Variants in ADAP1 observed in about 807,000 individuals in gnomAD.
ADAP1 encodes the protein ArfGAP with dual PH domains 1.
A neutral mutation model predicts 54.9 loss-of-function variants in ADAP1; 31 were observed. The observed-to-expected ratio is 0.56, with a 90% CI of 0.42 to 0.76. The LOEUF (loss-of-function observed/expected upper bound fraction) is 0.76, where lower values mean the gene tolerates loss of function less well. Among genes scored for constraint, ADAP1 ranks in the 30% least tolerant of loss-of-function variants. The probability of loss-of-function intolerance (pLI) is 0.00; values close to 1 mark genes in which losing one functional copy is unlikely to be tolerated. For synonymous variants in ADAP1, 313 were observed against 202.6 expected (o/e 1.55, Z -4.63); for missense variants, 535 against 512.4 (o/e 1.04, Z -0.42).
At position 899,510 on chromosome 7, in the gene ADAP1, C is replaced by T. The variant is rs748221515; in HGVS notation, c.796-20G>A. The T allele has an allele frequency of 4.4e-5, 71 of 1,610,554 alleles. No individual in the cohort carries two copies. In the Middle Eastern group the frequency reaches 4.9e-4, roughly 11 times the overall value. On this transcript the variant is annotated intron_variant, in intron 8 of 10. Transcript: ENST00000265846. Reference sequence around the variant, plus strand: ...CGTTTGCTGTGGGTCAGAGAGGGCCCGTGACCGGCAGGTCGCCGAGGCAGG... The same window carrying T: ...CGTTTGCTGTGGGTCAGAGAGGGCCTGTGACCGGCAGGTCGCCGAGGCAGG...
At chr7:943,135 A>AGG (rs1847016782) in intron 1 of ADAP1, among the ~76,000 whole-genome samples, 1 of 44,212 alleles carries the variant, frequency 2.3e-5, no homozygotes, top group African/African-American at 9.4e-5. Context: ...AGGAGGAGGA[A>AGG]GAGAGAGTAG....
At chr7:906,702 TGG>T (rs1491036874) in intron 4 of ADAP1, among the ~76,000 whole-genome samples, 17 of 20,222 alleles carry the variant, frequency 8.4e-4, no homozygotes, top group Admixed American at 8.0e-3. Context: ...GACATGGACA[TGG>T]GGGACGGGAC....
At chr7:907,609 G>A (rs551465928) in intron 4 of ADAP1, among the ~76,000 whole-genome samples, 5 of 152,334 alleles carry the variant, frequency 3.3e-5, no homozygotes, top group East Asian at 3.9e-4. Context: ...CCCTGTCCGT[G>A]GTTCCTATCG....
In ADAP1 at chr7:926,673, G is replaced by T. The variant is rs761993254; in HGVS notation, c.214-29C>A. 6.6e-7 allele frequency: 1 copy of T among 1,519,994 alleles called. No individual in the cohort carries two copies. The highest frequency in any genetic ancestry group is 1.2e-5 in the South Asian group (1 of 81,702). 94.2% of individuals were successfully genotyped at this position (1,519,994 alleles called of 1,614,324 possible). Reference sequence around the variant, plus strand: ...CAAGAGAGGAGGGGCCGGGTCAGAGGCCTGGGGTCCCAGGGGCAGCCTAGG... The same window carrying T: ...CAAGAGAGGAGGGGCCGGGTCAGAGTCCTGGGGTCCCAGGGGCAGCCTAGG... On this transcript the variant is annotated intron_variant, in intron 2 of 10. Transcript: ENST00000265846. This position sits in a 1 kb window ranked among gnomAD's most constrained non-coding sequence, Gnocchi z 4.6.
intron 1 of ADAP1, among the ~76,000 whole-genome samples, chr7:936,129 G>A (rs1275596467): frequency 1.3e-5 from 2 of 152,220 alleles, no homozygotes; most frequent in African/African-American, 4.8e-5. Context: ...ACGTCTCGAT[G>A]TCTGGTTTGC....
In ADAP1 at chr7:946,407, T is replaced by A. The variant is rs533169367; in HGVS notation, c.82+7989A>T. Among the ~76,000 whole-genome samples the A allele has an allele frequency of 2.6e-4, 40 of 152,176 alleles. No individual in the cohort carries two copies. The highest frequency in any genetic ancestry group is 8.9e-4 in the African/African-American group (37 of 41,500). ...ATTCCATTGTGAGGATGGGGCCCTT[T>A]GGCCCTAGGAACAGGCCCTCCCAGG... is the stretch of plus-strand genomic sequence containing the variant. On this transcript the variant is annotated intron_variant, in intron 1 of 10. Coordinates refer to ENST00000265846, the MANE Select transcript of ADAP1 (RefSeq NM_006869.4). This position sits in a 1 kb window ranked among gnomAD's most constrained non-coding sequence, Gnocchi z 4.3.
upstream of ADAP1, chr7:955,265 G>A (rs1278132458): frequency 6.5e-7 from 1 of 1,545,498 alleles, no homozygotes; most frequent in Admixed American, 2.0e-5. Flanking sequence ...GGGCTGACAG[G>A]TAACAAAAAA....
chr7:931,773 GA>G (rs11367737), intron 2 of ADAP1, among the ~76,000 whole-genome samples: 40,410 of 140,414 alleles, frequency 0.29, 5,749 homozygotes, highest in South Asian at 0.45. Flanking sequence ...AAAGTAGGGA[GA>G]AAAAAAAAAA....
At chr7:930,556 C>T (rs996199253) in intron 2 of ADAP1, among the ~76,000 whole-genome samples, 6 of 151,474 alleles carry the variant, frequency 4.0e-5, no homozygotes, top group African/African-American at 1.5e-4. Flanking sequence ...CGGTGGCTCA[C>T]GTCTGTAATC....
chr7:910,244 C>G (rs1001180507), intron 4 of ADAP1, among the ~76,000 whole-genome samples: 1 of 151,894 alleles, frequency 6.6e-6, no homozygotes, highest in African/African-American at 2.4e-5. Context: ...ACAGCCTTCA[C>G]ATAAAGCCCA....
chr7:931,406 C>T (rs1488507543), intron 2 of ADAP1, among the ~76,000 whole-genome samples: 3 of 152,184 alleles, frequency 2.0e-5, no homozygotes, highest in Admixed American at 6.5e-5. Context: ...TTGAAAGGAA[C>T]GAAGCTGTCA....
chr7:899,989 A>G, intron 8 of ADAP1, 113 bp downstream of exon 8: 2 of 1,298,432 alleles, frequency 1.5e-6, no homozygotes, highest in Non-Finnish European at 2.2e-6. Context: ...GTGAGGACCC[A>G]CCAGACACCA....
rs939761666 is a variant in ADAP1 at position 898,636 on chromosome 7, G to T, written c.*285C>A. ...TGTCTGAGCTCGGGAGCCAGACTGG[G>T]CCCTGGAGGAAAGGGGGCCCCGGGT... On this transcript the variant is annotated 3_prime_UTR_variant, in exon 11 of 11. Coordinates refer to ENST00000265846, the MANE Select transcript of ADAP1 (RefSeq NM_006869.4). 40 of 506,888 alleles carry T rather than the reference G, an allele frequency of 7.9e-5. No individual in the cohort carries two copies. Among genetic ancestry groups the T allele is most frequent in the Non-Finnish European group, 1.3e-4 (35 of 277,476 alleles). The allele number at this position is 506,888 out of a possible 1,614,324, so 31.4% of individuals were successfully genotyped here.
At chr7:909,690 C>A (rs1026442045) in intron 4 of ADAP1, among the ~76,000 whole-genome samples, 1 of 152,260 alleles carries the variant, frequency 6.6e-6, no homozygotes, top group Non-Finnish European at 1.5e-5. Context: ...GCCCCTCACA[C>A]GGCAGCGTCC....
chr7:904,075 G>A lies in ADAP1; in HGVS notation c.648+51C>T, dbSNP rs116145502. On this transcript the variant is annotated intron_variant, in intron 6 of 10. Transcript: ENST00000265846. ...CCACCTTCCTGCGCCACCCGGGCCT[G>A]AGGGCCCACCCTCCTGTGCCACCCG... is the stretch of plus-strand genomic sequence containing the variant. The A allele has an allele frequency of 1.7e-3, 2,713 of 1,601,680 alleles. 45 individuals are homozygous for A. In the African/African-American group the frequency reaches 0.032, roughly 19 times the overall value.
At chr7:916,732 G>T (rs1176286277) in intron 4 of ADAP1, among the ~76,000 whole-genome samples, 1 of 152,160 alleles carries the variant, frequency 6.6e-6, no homozygotes, top group Non-Finnish European at 1.5e-5. Context: ...GCCTGCACAG[G>T]CTGGCTGTGT....
chr7:907,962 C>T (rs1845545722), intron 4 of ADAP1, among the ~76,000 whole-genome samples: 1 of 151,896 alleles, frequency 6.6e-6, no homozygotes, highest in African/African-American at 2.4e-5. Context: ...GCCGTCTGCC[C>T]AGTGTCCGTG....
intron 2 of ADAP1, chr7:927,150 G>GGA (rs1562929638): frequency 2.3e-6 from 3 of 1,303,432 alleles, no homozygotes; most frequent in Non-Finnish European, 2.0e-6. Context: ...GTCTCTGAGG[G>GGA]GACTCTGCAG....
chr7:911,566 G>C (rs568907379), intron 4 of ADAP1, among the ~76,000 whole-genome samples: 2 of 148,240 alleles, frequency 1.3e-5, no homozygotes, highest in South Asian at 2.1e-4. Context: ...GGCCAGGAAG[G>C]GGGCGGGGGT....
Sources: gnomAD v4.1 joint callset for allele counts (sites outside exome capture counted in the v4.1 genomes callset) on GRCh38, gnomAD v4.1.1 for gene constraint, Gnocchi (gnomAD v3.1) non-coding constraint, MANE v1.5 for transcripts, NCBI Gene and HGNC (gene_info 2026-07-23, HGNC 2026-07-21) for gene names.